The following VAV1 variants were observed in gnomAD, a reference collection of about 807,000 sequenced individuals.
VAV1 encodes the protein proto-oncogene vav.
A neutral mutation model predicts 128.1 loss-of-function variants in VAV1; 33 were observed. The observed-to-expected ratio is 0.26, with a 90% confidence interval of 0.20 to 0.34. The LOEUF (loss-of-function observed/expected upper bound fraction) is 0.34. Ranked by LOEUF, VAV1 falls within the 10% of genes least tolerant of loss-of-function variation. The probability of loss-of-function intolerance (pLI) is 1.00; values close to 1 mark genes in which losing one functional copy is unlikely to be tolerated. For missense variants in VAV1, 715 were observed against 1,093.7 expected (o/e 0.65, Z 4.88); for synonymous variants, 394 against 409.8 (o/e 0.96, Z 0.47).
At chr19:6,812,966 T>C (rs951941494) in intron 1 of VAV1, among the ~76,000 whole-genome samples, 1 of 152,226 alleles carries the variant, frequency 6.6e-6, no homozygotes, top group African/African-American at 2.4e-5. Context: ...ATCATATAAC[T>C]GAATTACAAC....
chr19:6,821,166 C>T (rs1189656331), intron 2 of VAV1, among the ~76,000 whole-genome samples: 1 of 152,144 alleles, frequency 6.6e-6, no homozygotes, highest in East Asian at 1.9e-4. Flanking sequence ...CTTTGGGAGG[C>T]TGAGGTGGGC....
intron 26 of VAV1, 91 bp downstream of exon 26, chr19:6,854,189 G>A: frequency 1.3e-6 from 2 of 1,512,150 alleles, no homozygotes; most frequent in Non-Finnish European, 1.8e-6. Context: ...AAGGTGAGGT[G>A]CGGCTCCCAT....
Position 6,820,946 on chromosome 19 carries a change from T to C in VAV1, c.321+128T>C. The C allele has an allele frequency of 1.2e-6, 1 of 808,286 alleles. No individual in the cohort carries two copies. 50.1% of individuals were successfully genotyped at this position (808,286 alleles called of 1,614,324 possible). On this transcript the variant is annotated intron_variant, in intron 2 of 26. Coordinates refer to ENST00000602142, the MANE Select transcript of VAV1 (RefSeq NM_005428.4). The surrounding 1 kb of genome is among the most constrained non-coding windows in gnomAD (Gnocchi z 4.4). ...GACCAGGCCATATACAAGACGCAAA[T>C]AGCACTGGCTTGGGATATGTGGAAC...
Position 6,779,847 on chromosome 19 carries a change from C to T in VAV1, c.204+6836C>T, listed in dbSNP as rs189979704. 4.8e-3 allele frequency among the ~76,000 whole-genome samples: 723 copies of T among 150,002 alleles called. 38 individuals are homozygous for T. Among genetic ancestry groups the T allele is most frequent in the Middle Eastern group, 0.028 (8 of 288 alleles). Reference sequence around the variant, plus strand: ...TAATAAAAGGCCGGGCACGGTGACTCACACCTGTAATTCCAGCACTTTGGG... The same window carrying T: ...TAATAAAAGGCCGGGCACGGTGACTTACACCTGTAATTCCAGCACTTTGGG... On this transcript the variant is annotated intron_variant, in intron 1 of 26. Coordinates refer to ENST00000602142, the MANE Select transcript of VAV1 (RefSeq NM_005428.4).
intron 9 of VAV1, among the ~76,000 whole-genome samples, chr19:6,827,825 C>G (rs1971955699): frequency 6.6e-6 from 1 of 151,342 alleles, no homozygotes; most frequent in African/African-American, 2.4e-5. Context: ...GTCTTGAACT[C>G]CTGACCTCAA....
At position 6,813,781 on chromosome 19, in the gene VAV1, C is replaced by T. The variant is rs574272403; in HGVS notation, c.205-6921C>T. Among the ~76,000 whole-genome samples, 10 of 152,046 alleles carry T rather than the reference C, an allele frequency of 6.6e-5. No homozygotes were observed. The East Asian group carries it at 1.7e-3, about 26-fold the overall frequency. ...AAAACTTGAGTCTTGGGGCTGGGTG[C>T]GGTGGCTCATACCTGTAATCTCAGC... On this transcript the variant is annotated intron_variant, in intron 1 of 26. Transcript: ENST00000602142.
At position 6,794,905 on chromosome 19, in the gene VAV1, A is replaced by G. The variant is rs562790167; in HGVS notation, c.204+21894A>G. On this transcript the variant is annotated intron_variant, in intron 1 of 26. Transcript: ENST00000602142. ...TCTGGGAACTAGAATGCTCTGGAGG[A>G]TTCTTCGTCACATGATGGGTGTCTG... 7.9e-5 allele frequency among the ~76,000 whole-genome samples: 12 copies of G among 152,210 alleles called. No homozygotes were observed. In the South Asian group the frequency reaches 2.5e-3, roughly 32 times the overall value.
intron 1 of VAV1, among the ~76,000 whole-genome samples, chr19:6,785,951 C>T (rs1599620879): frequency 2.0e-5 from 3 of 152,166 alleles, no homozygotes; most frequent in East Asian, 1.9e-4. Context: ...TGAGCCACCG[C>T]GCCCAGCCCA....
At chr19:6,786,196 T>G (rs565181244) in intron 1 of VAV1, among the ~76,000 whole-genome samples, 2 of 141,820 alleles carry the variant, frequency 1.4e-5, no homozygotes, top group East Asian at 4.0e-4. Flanking sequence ...TGGCACATAG[T>G]ACGGAATCAA....
chr19:6,792,352 A>C (rs1971036099), intron 1 of VAV1, among the ~76,000 whole-genome samples: 1 of 151,744 alleles, frequency 6.6e-6, no homozygotes, highest in Admixed American at 6.6e-5. Flanking sequence ...CAGGTCTCAT[A>C]TTCCAGGAAG....
chr19:6,832,258 G>A, intron 15 of VAV1, 58 bp downstream of exon 15: 1 of 1,540,582 alleles, frequency 6.5e-7, no homozygotes, highest in East Asian at 2.3e-5. Flanking sequence ...CTGGGAAGGA[G>A]GAACGTGATC....
At chr19:6,836,602 G>C in intron 20 of VAV1, 34 bp downstream of exon 20, 2 of 1,611,824 alleles carry the variant, frequency 1.2e-6, no homozygotes, top group Non-Finnish European at 1.7e-6. Flanking sequence ...GATGGGGTGG[G>C]ACCCAAGTGT....
chr19:6,810,303 C>G (rs775646309), intron 1 of VAV1, among the ~76,000 whole-genome samples: 11 of 151,928 alleles, frequency 7.2e-5, no homozygotes, highest in Non-Finnish European at 1.2e-4. Context: ...GCACTTCAGC[C>G]TGGGCAACAG....
chr19:6,830,334 A>G (rs1972026072), intron 14 of VAV1, among the ~76,000 whole-genome samples: 1 of 151,878 alleles, frequency 6.6e-6, no homozygotes. Flanking sequence ...TGGGATTATA[A>G]GCGTGAGCCC....
chr19:6,787,892 C>G (rs149661002), intron 1 of VAV1, among the ~76,000 whole-genome samples: 4 of 151,854 alleles, frequency 2.6e-5, no homozygotes, highest in Non-Finnish European at 5.9e-5. Flanking sequence ...CTGGCTAACA[C>G]GGTGAAACCC....
chr19:6,787,573 G>GATTGATTT (rs1555698482), intron 1 of VAV1, among the ~76,000 whole-genome samples: 4 of 147,090 alleles, frequency 2.7e-5, no homozygotes, highest in African/African-American at 1.0e-4. Context: ...AACTACTCCA[G>GATTGATTT]ATTTATTTAT....
At chr19:6,855,397 CATCT>C (rs1230022353) in intron 26 of VAV1, among the ~76,000 whole-genome samples, 2 of 152,092 alleles carry the variant, frequency 1.3e-5, no homozygotes, top group African/African-American at 4.8e-5. Flanking sequence ...TCCATCCATC[CATCT>C]ATCCATCCAT....
chr19:6,835,315 A>G (rs1228081055), intron 19 of VAV1, among the ~76,000 whole-genome samples: 1 of 152,090 alleles, frequency 6.6e-6, no homozygotes, highest in Non-Finnish European at 1.5e-5. Flanking sequence ...TAAGTATATG[A>G]CTTAATACAT....
At chr19:6,797,215 G>C (rs762832668) in intron 1 of VAV1, among the ~76,000 whole-genome samples, 3 of 133,412 alleles carry the variant, frequency 2.2e-5, no homozygotes, top group Admixed American at 8.2e-5. Flanking sequence ...CTGGGTGACA[G>C]AGTGAGACTC....
Sources: allele counts gnomAD v4.1 joint callset (sites outside exome capture counted in the v4.1 genomes callset), GRCh38; gene constraint gnomAD v4.1.1; non-coding constraint Gnocchi (gnomAD v3.1); transcripts MANE v1.5; gene names NCBI Gene and HGNC (gene_info 2026-07-23, HGNC 2026-07-21).